The following PCDHGB1 variants were observed in gnomAD, a reference collection of about 807,000 sequenced individuals.
The protein encoded by PCDHGB1 is protocadherin gamma subfamily B, 1, also known as protocadherin gamma-B1.
Under a neutral mutation model 56.6 loss-of-function variants are expected in PCDHGB1, and 34 were observed. That is an observed-to-expected ratio of 0.60 (90% CI 0.46 to 0.80). The LOEUF is 0.80. PCDHGB1 is among the 30% of genes least tolerant of loss of function. PCDHGB1 has a pLI of 0.00. For synonymous variants in PCDHGB1, 561 were observed against 505.9 expected, an observed-to-expected ratio of 1.11 and a Z score of -1.46; for missense variants, 1,278 against 1,204.6, an observed-to-expected ratio of 1.06 and a Z score of -0.90.
At chr5:141,361,013 A>C (rs185853995) in intron 1 of PCDHGB1, 1 of 1,613,268 alleles carries the variant, frequency 6.2e-7, no homozygotes, top group South Asian at 1.1e-5. Flanking sequence ...CACTTTTTCA[A>C]CTTAAATGAA....
At chr5:141,372,494 A>T in intron 1 of PCDHGB1, 1 of 1,613,974 alleles carries the variant, frequency 6.2e-7, no homozygotes, top group Non-Finnish European at 8.5e-7. Flanking sequence ...CCTTGATCTC[A>T]GTGCTCTTCC....
intron 1 of PCDHGB1, chr5:141,417,708 G>C (rs1028054307): frequency 1.2e-4 from 152 of 1,227,878 alleles, no homozygotes; most frequent in East Asian, 4.9e-4. Context: ...CCACACAGAG[G>C]CTCCCGGCTG....
intron 1 of PCDHGB1, chr5:141,376,036 G>T: frequency 6.2e-7 from 1 of 1,613,116 alleles, no homozygotes; most frequent in Non-Finnish European, 8.5e-7. Context: ...ACCACGGCCA[G>T]CCCCCTCTCT....
chr5:141,383,890 G>A lies in PCDHGB1; in HGVS notation c.2409+31221G>A, dbSNP rs1274384804. 3.1e-6 allele frequency: 5 copies of A among 1,613,936 alleles called. No individual in the cohort carries two copies. Among genetic ancestry groups the A allele is most frequent in the Non-Finnish European group, 4.2e-6 (5 of 1,179,896 alleles). On this transcript the variant is annotated intron_variant, in intron 1 of 3. Transcript: ENST00000523390. The stretch of plus-strand genomic sequence containing the variant: ...AGATGGTCCTGGTAGTCTGACAAAG[G>A]CAAAAGTACTGATCACAGTTTTAGA...
intron 1 of PCDHGB1, chr5:141,409,987 C>T: frequency 3.1e-6 from 5 of 1,613,288 alleles, no homozygotes; most frequent in Non-Finnish European, 4.2e-6. Context: ...TAGCGGTGGA[C>T]GCCGACTCGG....
intron 1 of PCDHGB1, chr5:141,419,926 G>C (rs1371764532): frequency 7.4e-6 from 12 of 1,613,978 alleles, no homozygotes; most frequent in Non-Finnish European, 8.5e-6. Flanking sequence ...CTGAGATGCA[G>C]TTTTACCTGG....
rs1156892059 is a variant in PCDHGB1 at position 141,351,564 on chromosome 5, C to A, written c.1304C>A (p.Thr435Asn). ...GCCCTTTCCTCCAGGACAAGCATCACCCTGCACATCTCCGACATCAACGAC... is the reference window on the plus strand; with the variant it reads ...GCCCTTTCCTCCAGGACAAGCATCAACCTGCACATCTCCGACATCAACGAC... ...KPALSSRTSI[T>N]LHISDINDNA... Residue 435 changes from threonine to asparagine, a missense_variant, in exon 1 of 4, where the codon ACC becomes AAC. Transcript: ENST00000523390. 1.2e-6 allele frequency: 2 copies of A among 1,613,956 alleles called. No individual in the cohort carries two copies. Among genetic ancestry groups the A allele is most frequent in the Admixed American group, 3.3e-5 (2 of 60,010 alleles).
Position 141,418,145 on chromosome 5 carries a change from T to C in PCDHGB1, c.2409+65476T>C, listed in dbSNP as rs1329322927. On this transcript the variant is annotated intron_variant, in intron 1 of 3. Coordinates refer to ENST00000523390, the MANE Select transcript of PCDHGB1 (RefSeq NM_018922.3). ...GGACCGAATAGACCGTGAGCAAATATGCAAAGAGAGAAGAAGATGTGAGTT... is the reference window on the plus strand; with the variant it reads ...GGACCGAATAGACCGTGAGCAAATACGCAAAGAGAGAAGAAGATGTGAGTT... The C allele has an allele frequency of 5.6e-6, 9 of 1,613,934 alleles. No homozygotes were observed. In the African/African-American group the frequency reaches 8.0e-5, roughly 14 times the overall value.
At chr5:141,400,143 T>C (rs2093969868) in intron 1 of PCDHGB1, 2 of 1,613,986 alleles carry the variant, frequency 1.2e-6, no homozygotes, top group Admixed American at 3.3e-5. Flanking sequence ...CGGATATCAC[T>C]GACCGCCCTG....
In PCDHGB1 at chr5:141,412,947, C is replaced by T. The variant is rs930035804; in HGVS notation, c.2409+60278C>T. On this transcript the variant is annotated intron_variant, in intron 1 of 3. Coordinates refer to ENST00000523390, the MANE Select transcript of PCDHGB1 (RefSeq NM_018922.3). ...AGTAACTTCTTAGGACTCTGAGCGC[C>T]GCTGTTCACCTACTAGGAGAGAAAA... is the stretch of plus-strand genomic sequence containing the variant. The T allele has an allele frequency of 2.3e-5, 11 of 475,008 alleles. No individual in the cohort carries two copies. The Middle Eastern group carries it at 2.2e-3, about 94-fold the overall frequency. 29.4% of individuals were successfully genotyped at this position (475,008 alleles called of 1,614,324 possible). A position where few individuals can be genotyped will look rare whatever the true frequency, so the allele number is the denominator to read the frequency against.
In PCDHGB1 at chr5:141,503,993, C is replaced by T. The variant is rs376134059; in HGVS notation, c.2469-1400C>T. Reference sequence around the variant, plus strand: ...GTGCCAAACCCTTCTTCTTACCTTACAGTCACTTAACTGTCTCTGCTGGTC... The same window carrying T: ...GTGCCAAACCCTTCTTCTTACCTTATAGTCACTTAACTGTCTCTGCTGGTC... On this transcript the variant is annotated intron_variant, in intron 2 of 3. Transcript: ENST00000523390. Among the ~76,000 whole-genome samples, 13 of 152,312 alleles carry T rather than the reference C, an allele frequency of 8.5e-5. 1 individual carries two copies. In the East Asian group the frequency reaches 1.7e-3, roughly 20 times the overall value.
In PCDHGB1 at chr5:141,423,089, G is replaced by C. The variant is rs201821221; in HGVS notation, c.2409+70420G>C. The stretch of plus-strand genomic sequence containing the variant: ...AGCGAGCCGGGACTCTTCGCGGTGG[G>C]GGAGCACACGGGCGAGGTGCGTACA... On this transcript the variant is annotated intron_variant, in intron 1 of 3. Transcript: ENST00000523390. 4.0e-5 allele frequency: 65 copies of C among 1,614,016 alleles called. No individual in the cohort carries two copies. In the African/African-American group the frequency reaches 7.2e-4, roughly 18 times the overall value.
At chr5:141,362,420 A>T in intron 1 of PCDHGB1, 1 of 1,614,046 alleles carries the variant, frequency 6.2e-7, no homozygotes, top group Non-Finnish European at 8.5e-7. Context: ...CAATCAGCCA[A>T]GACAGAGTTC....
At chr5:141,399,062 C>T in intron 1 of PCDHGB1, 1 of 1,613,790 alleles carries the variant, frequency 6.2e-7, no homozygotes, top group Non-Finnish European at 8.5e-7. Context: ...AAGGAATATT[C>T]AATGGTTGTA....
At chr5:141,379,674 AC>A (rs1181796015) in intron 1 of PCDHGB1, 1 of 152,100 alleles carries the variant, frequency 6.6e-6, no homozygotes, top group Non-Finnish European at 1.5e-5. Flanking sequence ...AAAGTCATTC[AC>A]TCATGTGGAC....
chr5:141,418,323 A>G, intron 1 of PCDHGB1: 2 of 1,614,004 alleles, frequency 1.2e-6, no homozygotes, highest in Non-Finnish European at 1.7e-6. Flanking sequence ...ACAATTCTTG[A>G]GTCTGCAGAA....
chr5:141,394,152 G>A lies in PCDHGB1; in HGVS notation c.2409+41483G>A, dbSNP rs141035845. 5.0e-3 allele frequency: 8,040 copies of A among 1,613,782 alleles called. 48 individuals are homozygous for A. Among genetic ancestry groups the A allele is most frequent in the Admixed American group, 9.4e-3 (566 of 59,984 alleles). On this transcript the variant is annotated intron_variant, in intron 1 of 3. Coordinates refer to ENST00000523390, the MANE Select transcript of PCDHGB1 (RefSeq NM_018922.3). ...CGCTCTGCACGTGGCAGACATTAAC[G>A]ACAACCCTCCTACTTTCCCTCATGC...
chr5:141,487,596 A>T lies in PCDHGB1; in HGVS notation c.2410-7211A>T. The stretch of plus-strand genomic sequence containing the variant: ...GTTCGCCCAAGCTGCCCACCCTCTG[A>T]TCTTCTCTATGGGCTAGAGGTGAGA... On this transcript the variant is annotated intron_variant, in intron 1 of 3. Transcript: ENST00000523390. The surrounding 1 kb of genome is among the most constrained non-coding windows in gnomAD (Gnocchi z 5.0). The T allele has an allele frequency of 1.2e-6, 2 of 1,614,108 alleles. No individual in the cohort carries two copies. Among genetic ancestry groups the T allele is most frequent in the Non-Finnish European group, 8.5e-7 (1 of 1,180,024 alleles).
At chr5:141,361,081 A>T (rs1273300607) in intron 1 of PCDHGB1, 5 of 1,613,948 alleles carry the variant, frequency 3.1e-6, no homozygotes, top group Non-Finnish European at 4.2e-6. Flanking sequence ...AAGTAGTTAC[A>T]CTCTGAGTAT....
Sources: allele counts gnomAD v4.1 joint callset (sites outside exome capture counted in the v4.1 genomes callset), GRCh38; gene constraint gnomAD v4.1.1; non-coding constraint Gnocchi (gnomAD v3.1); transcripts MANE v1.5; gene names NCBI Gene and HGNC (gene_info 2026-07-23, HGNC 2026-07-21).